The following ADGRL3 variants were observed in gnomAD, a reference collection of about 807,000 sequenced individuals.
ADGRL3 encodes adhesion G protein-coupled receptor L3, also known as calcium-independent alpha-latrotoxin receptor 3.
ADGRL3 carries 62 observed loss-of-function variants against 153.5 expected under a neutral mutation model. That is an observed-to-expected ratio of 0.40 (90% CI 0.33 to 0.50). The LOEUF is 0.50. Among genes scored for constraint, ADGRL3 ranks in the 20% least tolerant of loss-of-function variants. The probability of loss-of-function intolerance (pLI) is 0.47; values close to 1 mark genes in which losing one functional copy is unlikely to be tolerated. For missense variants in ADGRL3, 1,641 were observed against 1,859.4 expected (o/e 0.88, Z 2.16); for synonymous variants, 710 against 672.5 (o/e 1.06, Z -0.86).
intron 1 of ADGRL3, among the ~76,000 whole-genome samples, chr4:61,210,335 C>T (rs1012590656): frequency 3.9e-5 from 6 of 152,042 alleles, no homozygotes; most frequent in South Asian, 2.1e-4. Flanking sequence ...TTGGTGTTTA[C>T]GCATCCCGCA....
intron 1 of ADGRL3, among the ~76,000 whole-genome samples, chr4:61,246,127 C>T (rs1221534330): frequency 1.3e-5 from 2 of 152,022 alleles, no homozygotes; most frequent in Non-Finnish European, 2.9e-5. Context: ...TTTCAGATCT[C>T]ATTTTTGTCA....
At position 61,517,458 on chromosome 4, in the gene ADGRL3, C is replaced by A. The variant is rs767628272; in HGVS notation, c.199C>A (p.Arg67Ser). The A allele has an allele frequency of 3.8e-6, 3 of 795,956 alleles. No homozygotes were observed. The highest frequency in any genetic ancestry group is 1.4e-5 in the South Asian group (1 of 69,264). The allele number at this position is 795,956 out of a possible 1,614,324, so 49.3% of individuals were successfully genotyped here. A position where few individuals can be genotyped will look rare whatever the true frequency, so the allele number is the denominator to read the frequency against. ...CGCTGCTCATCGTGGACAAGGGCCC[C>A]GTGGAGCTACCAGAGGAGTTCGCGG... is the stretch of plus-strand genomic sequence containing the variant. ...RTAAHRGQGP[R>S]GATRGVRGPG... Residue 67 changes from arginine to serine, a missense_variant, in exon 4 of 27, where the codon CGT becomes AGT. By Grantham distance (110) the Arg-to-Ser change is moderately radical. Around this residue, in one of 5 missense-constraint regions of ADGRL3, gnomAD observed 145 missense variants for 79.1 expected, o/e 1.83. Coordinates refer to ENST00000683033, the MANE Select transcript of ADGRL3 (RefSeq NM_001387552.1).
chr4:61,529,022 G>C (rs2098595729), intron 4 of ADGRL3, among the ~76,000 whole-genome samples: 1 of 152,048 alleles, frequency 6.6e-6, no homozygotes, highest in African/African-American at 2.4e-5. Context: ...TGCCATAATG[G>C]ATGTCACTAA....
chr4:61,313,359 CAA>C (rs577145549), intron 1 of ADGRL3, among the ~76,000 whole-genome samples: 17 of 152,150 alleles, frequency 1.1e-4, no homozygotes, highest in Non-Finnish European at 2.1e-4. Flanking sequence ...ATGTACAACA[CAA>C]AGAGTGAGCC....
intron 8 of ADGRL3, among the ~76,000 whole-genome samples, chr4:61,784,159 A>G (rs983064337): frequency 6.6e-6 from 1 of 152,174 alleles, no homozygotes; most frequent in Non-Finnish European, 1.5e-5. Flanking sequence ...TATAGAAGAT[A>G]TGACAATTTG....
At chr4:61,803,727 A>G (rs767599558) in intron 8 of ADGRL3, among the ~76,000 whole-genome samples, 11 of 152,168 alleles carry the variant, frequency 7.2e-5, no homozygotes, top group Admixed American at 1.3e-4. Flanking sequence ...ATAATATGGC[A>G]TAACTATGAA....
intron 1 of ADGRL3, among the ~76,000 whole-genome samples, chr4:61,209,399 G>A (rs1191412897): frequency 2.0e-5 from 3 of 152,126 alleles, no homozygotes; most frequent in South Asian, 2.1e-4. Flanking sequence ...AAAGTACCTG[G>A]TGGAGTGAAT....
chr4:61,579,632 G>T (rs779325114), intron 4 of ADGRL3: 36 of 511,024 alleles, frequency 7.0e-5, no homozygotes, highest in Middle Eastern at 3.2e-4. Context: ...CAAAAGAATA[G>T]CTGCTTAATT....
In ADGRL3 at chr4:61,996,420, TACTG is replaced by T. The variant is rs970231490; in HGVS notation, c.3303+68_3303+71del. On this transcript the variant is annotated intron_variant, in intron 20 of 26. Transcript: ENST00000683033. ...AGAAGTAAAACTTTCACTATCCCAGTACTGACTGTCTTTAATTTACAGAGGTTAA... is the reference window on the plus strand; with the variant it reads ...AGAAGTAAAACTTTCACTATCCCAGTACTGTCTTTAATTTACAGAGGTTAA... 232 of 1,112,416 alleles carry T rather than the reference TACTG, an allele frequency of 2.1e-4. 2 individuals are homozygous for T. The Admixed American group carries it at 3.9e-3, about 19-fold the overall frequency. The allele number at this position is 1,112,416 out of a possible 1,614,324, so 68.9% of individuals were successfully genotyped here. A position where few individuals can be genotyped will look rare whatever the true frequency, so the allele number is the denominator to read the frequency against.
chr4:61,570,941 G>T (rs1409634403), intron 4 of ADGRL3, among the ~76,000 whole-genome samples: 1 of 152,126 alleles, frequency 6.6e-6, no homozygotes, highest in Non-Finnish European at 1.5e-5. Flanking sequence ...AAATGAAGAA[G>T]CGGGTAAGCA....
At chr4:61,760,287 G>C (rs1158486040) in intron 8 of ADGRL3, among the ~76,000 whole-genome samples, 2 of 152,186 alleles carry the variant, frequency 1.3e-5, no homozygotes, top group Admixed American at 6.5e-5. Flanking sequence ...AGGCCTTCTT[G>C]AGCTGCAGTG....
At chr4:61,605,004 C>A (rs893746663) in intron 5 of ADGRL3, among the ~76,000 whole-genome samples, 23 of 138,134 alleles carry the variant, frequency 1.7e-4, no homozygotes, top group African/African-American at 5.4e-4. Context: ...GCAGGAGAAT[C>A]ACTTGAACCT....
intron 2 of ADGRL3, among the ~76,000 whole-genome samples, chr4:61,467,135 A>G (rs2097894014): frequency 6.6e-6 from 1 of 152,150 alleles, no homozygotes; most frequent in Admixed American, 6.6e-5. Flanking sequence ...AAGCAGAAAG[A>G]ACAATTATGT....
At chr4:61,875,725 G>C (rs1041801009) in intron 9 of ADGRL3, among the ~76,000 whole-genome samples, 1 of 152,074 alleles carries the variant, frequency 6.6e-6, no homozygotes, top group African/African-American at 2.4e-5. Flanking sequence ...TTCTTTCGAG[G>C]TCTACAAATA....
At position 61,358,380 on chromosome 4, in the gene ADGRL3, G is replaced by A. The variant is rs1176929476; in HGVS notation, c.-239-24744G>A. Among the ~76,000 whole-genome samples, 4 of 151,984 alleles carry A rather than the reference G, an allele frequency of 2.6e-5. 1 individual carries two copies. The South Asian group carries it at 6.2e-4, about 24-fold the overall frequency. On this transcript the variant is annotated intron_variant, in intron 1 of 26. Coordinates refer to ENST00000683033, the MANE Select transcript of ADGRL3 (RefSeq NM_001387552.1). ...TGGGAGGCCAAGGTGGGCGGATCACGAGGTCAGGAGATCGAGACCATCCTG... is the reference window on the plus strand; with the variant it reads ...TGGGAGGCCAAGGTGGGCGGATCACAAGGTCAGGAGATCGAGACCATCCTG...
At chr4:61,834,207 C>T (rs527821667) in intron 9 of ADGRL3, among the ~76,000 whole-genome samples, 19 of 148,920 alleles carry the variant, frequency 1.3e-4, no homozygotes, top group Non-Finnish European at 2.1e-4. Flanking sequence ...TGAGAACATG[C>T]GGTGTTTGGT....
intron 1 of ADGRL3, among the ~76,000 whole-genome samples, chr4:61,232,210 A>C (rs1041285164): frequency 2.6e-5 from 4 of 152,296 alleles, no homozygotes; most frequent in African/African-American, 7.2e-5. Flanking sequence ...ATTTGGATTT[A>C]AGCCAACTAT....
intron 1 of ADGRL3, among the ~76,000 whole-genome samples, chr4:61,354,847 T>C (rs906729511): frequency 6.6e-6 from 1 of 152,144 alleles, no homozygotes; most frequent in Admixed American, 6.5e-5. Flanking sequence ...TGAGTCTCTA[T>C]TCTGCCTTGA....
chr4:61,990,655 A>G (rs1187472386), intron 19 of ADGRL3, among the ~76,000 whole-genome samples: 1 of 151,988 alleles, frequency 6.6e-6, no homozygotes, highest in African/African-American at 2.4e-5. Context: ...TTTTGACTTG[A>G]GACCTGTTTC....
Sources: allele counts gnomAD v4.1 joint callset (sites outside exome capture counted in the v4.1 genomes callset), GRCh38; gene constraint gnomAD v4.1.1; regional missense constraint gnomAD v4.1.1; transcripts MANE v1.5; gene names NCBI Gene and HGNC (gene_info 2026-07-23, HGNC 2026-07-21).